The following AKAP19 variants were observed in gnomAD, a reference collection of about 807,000 sequenced individuals.
AKAP19 encodes the protein small A-kinase anchoring protein.
At chr2:190,050,480 G>A in the AKAP19 span, among the ~76,000 whole-genome samples, 2 of 152,144 alleles carry the variant, frequency 1.3e-5, no homozygotes, top group African/African-American at 4.8e-5. Context: ...GTTTATTTCT[G>A]ATCACGCTTA....
chr2:190,155,068 C>T, the AKAP19 span, among the ~76,000 whole-genome samples: 1 of 152,198 alleles, frequency 6.6e-6, no homozygotes, highest in South Asian at 2.1e-4. Context: ...GTGTTAGCCA[C>T]AGAAGCAGGG....
chr2:190,149,871 G>T, the AKAP19 span, among the ~76,000 whole-genome samples: 2 of 152,260 alleles, frequency 1.3e-5, no homozygotes, highest in South Asian at 4.2e-4. Flanking sequence ...CTGTTTCTTT[G>T]TTGACTTTCT....
At chr2:190,199,812 C>A in the AKAP19 span, 1 of 1,590,194 alleles carries the variant, frequency 6.3e-7, no homozygotes. Flanking sequence ...TAAAGATGGC[C>A]TGGAAGTAGT....
the AKAP19 span, among the ~76,000 whole-genome samples, chr2:190,002,944 A>G: frequency 6.6e-6 from 1 of 151,974 alleles, no homozygotes; most frequent in African/African-American, 2.4e-5. Flanking sequence ...AAAGCATGCC[A>G]ATACAACTCC....
chr2:190,150,351 G>C, the AKAP19 span: 2 of 152,182 alleles, frequency 1.3e-5, no homozygotes, highest in African/African-American at 2.4e-5. Flanking sequence ...TGCCAGGCAG[G>C]AATGGCCTGC....
the AKAP19 span, among the ~76,000 whole-genome samples, chr2:189,985,952 T>C: frequency 2.6e-5 from 4 of 152,154 alleles, 1 homozygote; most frequent in Non-Finnish European, 2.9e-5. Flanking sequence ...CAAAAAAAGA[T>C]GAAGTAAAAT....
the AKAP19 span, among the ~76,000 whole-genome samples, chr2:190,054,659 TG>T: frequency 6.6e-6 from 1 of 152,044 alleles, no homozygotes; most frequent in Non-Finnish European, 1.5e-5. Flanking sequence ...CATCAAAAAG[TG>T]GGTGAAGGAT....
At chr2:190,066,172 G>T in the AKAP19 span, among the ~76,000 whole-genome samples, 1 of 152,116 alleles carries the variant, frequency 6.6e-6, no homozygotes, top group South Asian at 2.1e-4. Flanking sequence ...GGTATGGTTC[G>T]TCTTTGTACT....
At chr2:190,073,125 G>T in the AKAP19 span, among the ~76,000 whole-genome samples, 1 of 152,008 alleles carries the variant, frequency 6.6e-6, no homozygotes, top group African/African-American at 2.4e-5. Flanking sequence ...TAAATTCAGA[G>T]GGAGAAAGAT....
At chr2:190,137,137 C>A in the AKAP19 span, among the ~76,000 whole-genome samples, 1 of 152,252 alleles carries the variant, frequency 6.6e-6, no homozygotes, top group African/African-American at 2.4e-5. Context: ...ATAAGCTAGG[C>A]AATCCAGCTT....
At chr2:190,156,625 G>A in the AKAP19 span, among the ~76,000 whole-genome samples, 2,066 of 152,268 alleles carry the variant, frequency 0.014, 26 homozygotes, top group Middle Eastern at 0.027. Flanking sequence ...TAGATTTGCA[G>A]AAAAGGGAAT....
At chr2:190,079,977 G>A in the AKAP19 span, 1 of 152,028 alleles carries the variant, frequency 6.6e-6, no homozygotes, top group Non-Finnish European at 1.5e-5. Flanking sequence ...CCAGCTGTTG[G>A]TGACCAGGTG....
the AKAP19 span, among the ~76,000 whole-genome samples, chr2:189,986,756 G>T: frequency 6.6e-6 from 1 of 152,012 alleles, no homozygotes; most frequent in Non-Finnish European, 1.5e-5. Context: ...TCATATCCTT[G>T]TCACTTTTAG....
the AKAP19 span, among the ~76,000 whole-genome samples, chr2:189,976,058 G>A: frequency 6.6e-6 from 1 of 152,186 alleles, no homozygotes; most frequent in East Asian, 1.9e-4. Flanking sequence ...GAGGTGCTCT[G>A]ATTTTTAGAA....
At chr2:190,023,795 GTATATATA>G in the AKAP19 span, among the ~76,000 whole-genome samples, 18 of 142,802 alleles carry the variant, frequency 1.3e-4, no homozygotes, top group African/African-American at 3.1e-4. Context: ...ATGTGTGTGT[GTATATATA>G]TATATATATA....
chr2:190,196,082 T>G, the AKAP19 span, among the ~76,000 whole-genome samples: 1 of 152,088 alleles, frequency 6.6e-6, no homozygotes, highest in Non-Finnish European at 1.5e-5. Flanking sequence ...TCCATTTTCT[T>G]TCAGGTAATT....
the AKAP19 span, among the ~76,000 whole-genome samples, chr2:190,080,384 T>C: frequency 6.6e-6 from 1 of 152,226 alleles, no homozygotes; most frequent in Non-Finnish European, 1.5e-5. Context: ...GTAAGTGCTC[T>C]TCTGAAGATT....
chr2:190,102,046 A>G, the AKAP19 span, among the ~76,000 whole-genome samples: 4 of 152,174 alleles, frequency 2.6e-5, no homozygotes, highest in African/African-American at 9.7e-5. Flanking sequence ...TACAAAGAAG[A>G]TCTCTCAAAG....
At chr2:189,902,001 T>C in the AKAP19 span, among the ~76,000 whole-genome samples, 11 of 152,138 alleles carry the variant, frequency 7.2e-5, no homozygotes, top group Non-Finnish European at 1.5e-4. Context: ...CTAGGGTATA[T>C]GCTCAGTAAA....
Sources: allele counts gnomAD v4.1 joint callset (sites outside exome capture counted in the v4.1 genomes callset), GRCh38; gene constraint gnomAD v4.1.1; transcripts MANE v1.5; gene names NCBI Gene and HGNC (gene_info 2026-07-23, HGNC 2026-07-21).